COL9A1: variants seen among roughly 807,000 people sequenced by gnomAD.
COL9A1 encodes the protein collagen type IX alpha 1 chain.
COL9A1 carries 104 observed loss-of-function variants against 142.6 expected under a neutral mutation model. The ratio of observed to expected loss-of-function variants is 0.73; its 90% CI spans 0.62 to 0.86. COL9A1 has a LOEUF of 0.86. Among genes scored for constraint, COL9A1 ranks in the 40% least tolerant of loss-of-function variants. The pLI, the probability that COL9A1 is intolerant of heterozygous loss-of-function variation, is 0.00. For missense variants in COL9A1, 1,210 were observed against 1,176.6 expected, an observed-to-expected ratio of 1.03 and a Z score of -0.42; for synonymous variants, 466 against 396.0, an observed-to-expected ratio of 1.18 and a Z score of -2.10.
At chr6:70,287,459 C>T (rs551142435) in intron 5 of COL9A1, among the ~76,000 whole-genome samples, 28 of 152,118 alleles carry the variant, frequency 1.8e-4, no homozygotes, top group Admixed American at 5.9e-4. Flanking sequence ...AGGAGGCTAC[C>T]GCAGTAAAGC....
At chr6:70,222,638 A>G (rs1381167056) in intron 37 of COL9A1, 1 of 152,256 alleles carries the variant, frequency 6.6e-6, no homozygotes, top group African/African-American at 2.4e-5. Context: ...AAAACTGTCC[A>G]GAAAGAATAC....
At chr6:70,252,645 AC>A (rs1418094808) in intron 26 of COL9A1, among the ~76,000 whole-genome samples, 4 of 152,184 alleles carry the variant, frequency 2.6e-5, no homozygotes, top group African/African-American at 9.6e-5. Context: ...TACCATTTCC[AC>A]CTCCAATATA....
At chr6:70,250,624 T>C (rs500457) in intron 28 of COL9A1, among the ~76,000 whole-genome samples, 72,892 of 152,006 alleles carry the variant, frequency 0.48, 17,857 homozygotes, top group African/African-American at 0.53. Flanking sequence ...TGGAATACAT[T>C]GCTTTTCTCA....
At chr6:70,261,837 C>G (rs1384865759) in intron 19 of COL9A1, among the ~76,000 whole-genome samples, 1 of 152,160 alleles carries the variant, frequency 6.6e-6, no homozygotes, top group Non-Finnish European at 1.5e-5. Context: ...CTTGAGGTGT[C>G]TACTTTGAAG....
chr6:70,236,872 A>G (rs187088557), intron 33 of COL9A1, among the ~76,000 whole-genome samples: 10 of 150,228 alleles, frequency 6.7e-5, no homozygotes, highest in Non-Finnish European at 1.2e-4. Flanking sequence ...CCCAGGCTGG[A>G]GTGCAATGGC....
rs1770979698 is a variant in COL9A1 at position 70,252,109 on chromosome 6, G to A, written c.1872+11C>T. ...AAGGTGCTTTAGGAAAGAACAGCAAGGAATACTCACAGGAAGCCCCTGGGG... is the reference window on the plus strand; with the variant it reads ...AAGGTGCTTTAGGAAAGAACAGCAAAGAATACTCACAGGAAGCCCCTGGGG... On this transcript the variant is annotated intron_variant, in intron 28 of 37. Transcript: ENST00000357250. 6.2e-7 allele frequency: 1 copy of A among 1,613,810 alleles called. No individual in the cohort carries two copies. Among genetic ancestry groups the A allele is most frequent in the African/African-American group, 1.3e-5 (1 of 75,062 alleles).
At chr6:70,223,698 T>G (rs1442593772) in intron 37 of COL9A1, among the ~76,000 whole-genome samples, 2 of 152,258 alleles carry the variant, frequency 1.3e-5, no homozygotes, top group African/African-American at 4.8e-5. Flanking sequence ...CAGAAAACGA[T>G]CCACCAGCAG....
intron 26 of COL9A1, 24 bp downstream of exon 26, chr6:70,253,361 A>T: frequency 6.8e-7 from 1 of 1,479,140 alleles, no homozygotes; most frequent in Non-Finnish European, 9.4e-7. Flanking sequence ...GAAAGATATT[A>T]ACTTAAATTT....
chr6:70,279,754 C>A, intron 10 of COL9A1: 1 of 379,372 alleles, frequency 2.6e-6, no homozygotes. Flanking sequence ...AAAGAAAGCA[C>A]ACCTTAATAA....
chr6:70,283,817 C>G lies in COL9A1; in HGVS notation c.700G>C (p.Glu234Gln). 6.2e-7 allele frequency: 1 copy of G among 1,604,466 alleles called. No individual in the cohort carries two copies. The highest frequency in any genetic ancestry group is 8.5e-7 in the Non-Finnish European group (1 of 1,174,980). Residue 234 changes from glutamate (E) to glutamine (Q), a missense_variant, in exon 6 of 38, where the codon GAA (glutamate) becomes CAA (glutamine). Coordinates refer to ENST00000357250, the MANE Select transcript of COL9A1 (RefSeq NM_001851.6). ...ADNPQVSVPF[E>Q]LQWMLIHCDP... ...CAATGGATCAGCATCCATTGAAGTT[C>G]AAACTGGAGAAAGGTAGTAGACAGT...
chr6:70,264,882 G>A (rs1771916190), intron 18 of COL9A1, among the ~76,000 whole-genome samples: 1 of 151,844 alleles, frequency 6.6e-6, no homozygotes, highest in Admixed American at 6.6e-5. Context: ...AACTAATTTG[G>A]GTAAAATTCA....
At chr6:70,230,718 C>A (rs1368498259) in intron 36 of COL9A1, among the ~76,000 whole-genome samples, 1 of 152,232 alleles carries the variant, frequency 6.6e-6, no homozygotes, top group Non-Finnish European at 1.5e-5. Flanking sequence ...TCAACCCTGG[C>A]TGCACATTAA....
At position 70,302,953 on chromosome 6, in the gene COL9A1, A is replaced by G. The variant is rs2127610128; in HGVS notation, c.-29T>C. ...CCCAGTTGATTTTCTTTGTTTGCCA[A>G]CAGTCCCTATGAAGAAGGGGTTGGA... is the stretch of plus-strand genomic sequence containing the variant. On this transcript the variant is annotated 5_prime_UTR_variant, in exon 1 of 38. Coordinates refer to ENST00000357250, the MANE Select transcript of COL9A1 (RefSeq NM_001851.6). The G allele has an allele frequency of 1.2e-6, 2 of 1,613,192 alleles. No homozygotes were observed. The highest frequency in any genetic ancestry group is 2.2e-5 in the East Asian group (1 of 44,854).
intron 7 of COL9A1, among the ~76,000 whole-genome samples, chr6:70,281,762 A>C (rs1773182639): frequency 6.6e-6 from 1 of 152,146 alleles, no homozygotes; most frequent in Admixed American, 6.5e-5. Context: ...GTTGTGGAAA[A>C]GGAAGGGTCT....
chr6:70,240,650 G>A, intron 32 of COL9A1, 39 bp downstream of exon 32: 1 of 1,507,792 alleles, frequency 6.6e-7, no homozygotes, highest in Non-Finnish European at 9.2e-7. Flanking sequence ...GTTCAAAATT[G>A]GTAAAGCTTC....
At position 70,271,691 on chromosome 6, in the gene COL9A1, T is replaced by A; in HGVS notation, c.1107A>T (p.Ala369=). Residue 369 remains alanine (A), a synonymous_variant, in exon 14 of 38, where the codon GCA becomes GCT. Coordinates refer to ENST00000357250, the MANE Select transcript of COL9A1 (RefSeq NM_001851.6). ...CACGGCCAAGCTCTCCAGGGAGTCC[T>A]GCTGTCCCAGGAGGACCCTGAAGTC... is the stretch of plus-strand genomic sequence containing the variant. ...IPGPPGPPGT[A]GLPGELGRVG... is the part of the protein sequence containing the mutation. 1 of 1,613,892 alleles carries A rather than the reference T, an allele frequency of 6.2e-7. No homozygotes were observed. Among genetic ancestry groups the A allele is most frequent in the Non-Finnish European group, 8.5e-7 (1 of 1,179,810 alleles).
chr6:70,254,058 T>A (rs983266069), intron 25 of COL9A1, among the ~76,000 whole-genome samples: 3 of 152,150 alleles, frequency 2.0e-5, no homozygotes, highest in African/African-American at 7.2e-5. Flanking sequence ...AAACACCAAT[T>A]TGAATGATTA....
intron 30 of COL9A1, 138 bp from the exon 31 acceptor site, chr6:70,241,592 A>G: frequency 2.7e-6 from 2 of 751,446 alleles, no homozygotes; most frequent in East Asian, 2.7e-5. Context: ...TCACCACCCA[A>G]CAAGAATCAG....
chr6:70,279,324 G>A (rs1239877148), intron 10 of COL9A1, among the ~76,000 whole-genome samples: 1 of 152,068 alleles, frequency 6.6e-6, no homozygotes, highest in Non-Finnish European at 1.5e-5. Flanking sequence ...TAATACAAAC[G>A]CTTGTTTGAG....
Sources: allele counts gnomAD v4.1 joint callset (sites outside exome capture counted in the v4.1 genomes callset), GRCh38; gene constraint gnomAD v4.1.1; transcripts MANE v1.5; gene names NCBI Gene and HGNC (gene_info 2026-07-23, HGNC 2026-07-21).